DGKB: variants seen among roughly 807,000 people sequenced by gnomAD.
The protein encoded by DGKB is 90 kDa diacylglycerol kinase.
DGKB carries 67 observed loss-of-function variants against 114.3 expected under a neutral mutation model. The ratio of observed to expected loss-of-function variants is 0.59; its 90% CI spans 0.48 to 0.72. DGKB has a LOEUF of 0.72. DGKB is among the 30% of genes least tolerant of loss of function. DGKB has a pLI of 0.00. For synonymous variants in DGKB, 398 were observed against 323.1 expected (o/e 1.23, Z -2.49); for missense variants, 907 against 975.2 (o/e 0.93, Z 0.93).
intron 21 of DGKB, among the ~76,000 whole-genome samples, chr7:14,368,285 G>A (rs1817037311): frequency 6.6e-6 from 1 of 152,048 alleles, no homozygotes; most frequent in South Asian, 2.1e-4. Flanking sequence ...CATTCTGTGG[G>A]TTTTGATAAC....
chr7:14,523,561 C>A (rs1481074851), intron 20 of DGKB, among the ~76,000 whole-genome samples: 1 of 152,004 alleles, frequency 6.6e-6, no homozygotes, highest in Non-Finnish European at 1.5e-5. Flanking sequence ...CAATCAAGGC[C>A]ACACATAAAA....
chr7:14,457,806 C>T (rs977329743), intron 21 of DGKB, among the ~76,000 whole-genome samples: 2 of 152,172 alleles, frequency 1.3e-5, no homozygotes, highest in Non-Finnish European at 2.9e-5. Context: ...CTCAAGTATG[C>T]CGGCTGACAT....
chr7:14,313,430 C>A (rs1805780913), intron 23 of DGKB, among the ~76,000 whole-genome samples: 1 of 152,122 alleles, frequency 6.6e-6, no homozygotes, highest in Non-Finnish European at 1.5e-5. Flanking sequence ...AGTGCGCGAG[C>A]CGAAGCAGGG....
intron 5 of DGKB, among the ~76,000 whole-genome samples, chr7:14,730,956 T>C (rs139785139): frequency 6.6e-6 from 1 of 152,060 alleles, no homozygotes; most frequent in Non-Finnish European, 1.5e-5. Context: ...GAAAGAACGT[T>C]TTGGAGATGG....
chr7:14,338,732 A>G (rs769658082), intron 22 of DGKB, 22 bp from the exon 23 acceptor site: 2 of 1,347,936 alleles, frequency 1.5e-6, no homozygotes, highest in Non-Finnish European at 9.8e-7. Context: ...AAAGAAAGAA[A>G]CAGAAACGGA....
intron 1 of DGKB, among the ~76,000 whole-genome samples, chr7:14,876,920 T>G (rs1029756797): frequency 2.6e-5 from 4 of 152,216 alleles, no homozygotes; most frequent in Non-Finnish European, 5.9e-5. Context: ...TAAACAAGAT[T>G]AGCAATATCC....
chr7:14,858,814 A>G (rs539929362), intron 1 of DGKB, among the ~76,000 whole-genome samples: 17 of 152,224 alleles, frequency 1.1e-4, no homozygotes, highest in Non-Finnish European at 2.2e-4. Context: ...CCAGCAAAAC[A>G]GATTACAGAT....
At chr7:14,299,611 A>G (rs1803158297) in intron 23 of DGKB, among the ~76,000 whole-genome samples, 1 of 152,144 alleles carries the variant, frequency 6.6e-6, no homozygotes, top group African/African-American at 2.4e-5. Context: ...CTCACCCACA[A>G]TGTATACCCA....
At chr7:14,337,775 A>G (rs569434557) in intron 23 of DGKB, among the ~76,000 whole-genome samples, 3 of 152,132 alleles carry the variant, frequency 2.0e-5, no homozygotes, top group African/African-American at 7.2e-5. Context: ...AGAAGGTAAA[A>G]ATGATATTAT....
At chr7:14,557,096 C>T (rs935396053) in intron 20 of DGKB, among the ~76,000 whole-genome samples, 2 of 152,116 alleles carry the variant, frequency 1.3e-5, no homozygotes, top group African/African-American at 4.8e-5. Context: ...AATCTCAGAC[C>T]TACCAAACAG....
chr7:14,490,499 C>T (rs1203192661), intron 20 of DGKB, among the ~76,000 whole-genome samples: 1 of 152,108 alleles, frequency 6.6e-6, no homozygotes, highest in Non-Finnish European at 1.5e-5. Context: ...ACCTTTGTAA[C>T]TAGAAATGGT....
intron 23 of DGKB, among the ~76,000 whole-genome samples, chr7:14,266,129 T>C (rs1482499494): frequency 6.6e-6 from 1 of 152,162 alleles, no homozygotes; most frequent in Non-Finnish European, 1.5e-5. Flanking sequence ...GGCAAATAGC[T>C]ATCAGTGTGT....
chr7:14,737,796 T>C (rs1440877336), intron 4 of DGKB, among the ~76,000 whole-genome samples: 1 of 151,228 alleles, frequency 6.6e-6, no homozygotes, highest in Non-Finnish European at 1.5e-5. Flanking sequence ...ACCACCACCA[T>C]AGAATATTGT....
intron 2 of DGKB, among the ~76,000 whole-genome samples, chr7:14,789,450 T>C (rs1175995156): frequency 6.6e-6 from 1 of 152,200 alleles, no homozygotes; most frequent in Non-Finnish European, 1.5e-5. Flanking sequence ...CTGAATACTA[T>C]TCTGTGGTAT....
intron 23 of DGKB, among the ~76,000 whole-genome samples, chr7:14,332,836 G>A (rs908990810): frequency 6.6e-6 from 1 of 152,074 alleles, no homozygotes; most frequent in East Asian, 1.9e-4. Flanking sequence ...AAACTGTCTG[G>A]ACAATATAAT....
chr7:14,685,407 C>T (rs1821514859), intron 9 of DGKB, 45 bp from the exon 10 acceptor site: 4 of 1,384,070 alleles, frequency 2.9e-6, no homozygotes, highest in African/African-American at 1.4e-5. Flanking sequence ...ATGAAATAAA[C>T]AGTGAAAGAT....
intron 13 of DGKB, among the ~76,000 whole-genome samples, chr7:14,631,196 A>G (rs1809618060): frequency 6.6e-6 from 1 of 151,148 alleles, no homozygotes; most frequent in Admixed American, 6.6e-5. Context: ...ATGGGTATGA[A>G]AAATCTGATA....
chr7:14,702,027 T>G, intron 6 of DGKB, among the ~76,000 whole-genome samples: 1 of 152,212 alleles, frequency 6.6e-6, no homozygotes, highest in East Asian at 1.9e-4. Flanking sequence ...AACTCAAAAC[T>G]AAAAGAGAAG....
intron 4 of DGKB, among the ~76,000 whole-genome samples, chr7:14,746,828 G>A (rs1586179990): frequency 6.6e-6 from 1 of 152,014 alleles, no homozygotes. Flanking sequence ...ACAGAAAACT[G>A]TAAAATTCAT....
Sources: gnomAD v4.1 joint callset for allele counts (sites outside exome capture counted in the v4.1 genomes callset) on GRCh38, gnomAD v4.1.1 for gene constraint, MANE v1.5 for transcripts, NCBI Gene and HGNC (gene_info 2026-07-23, HGNC 2026-07-21) for gene names.